Variants in PALM2AKAP2 observed in about 807,000 individuals in gnomAD.
PALM2AKAP2 encodes PALM2-AKAP2 fusion protein.
PALM2AKAP2 carries 37 observed loss-of-function variants against 71.5 expected under a neutral mutation model. The observed-to-expected ratio is 0.52, with a 90% CI of 0.40 to 0.68. The LOEUF (loss-of-function observed/expected upper bound fraction) is 0.68. PALM2AKAP2 is among the 30% of genes least tolerant of loss of function. PALM2AKAP2 has a pLI of 0.00. For synonymous variants in PALM2AKAP2, 468 were observed against 478.8 expected (o/e 0.98, Z 0.29); for missense variants, 1,224 against 1,191.8 (o/e 1.03, Z -0.40).
intron 1 of PALM2AKAP2, among the ~76,000 whole-genome samples, chr9:110,078,406 T>C (rs1834371073): frequency 6.6e-6 from 1 of 152,232 alleles, no homozygotes; most frequent in Non-Finnish European, 1.5e-5. Flanking sequence ...TATTTTCCTA[T>C]GGTGAATTTT....
exon 2 of PALM2AKAP2, chr9:110,136,167 G>T: frequency 6.2e-7 from 1 of 1,603,354 alleles, no homozygotes; most frequent in Non-Finnish European, 8.5e-7. Flanking sequence ...TGGCTAAAAA[G>T]CGAGGGAGAC....
intron 1 of PALM2AKAP2, among the ~76,000 whole-genome samples, chr9:110,063,586 C>T (rs996145464): frequency 2.6e-5 from 4 of 151,564 alleles, no homozygotes; most frequent in Non-Finnish European, 5.9e-5. Context: ...ATTACAGGTG[C>T]CCACCACCAC....
chr9:110,061,453 AC>A (rs1215962318), intron 1 of PALM2AKAP2, among the ~76,000 whole-genome samples: 1 of 152,030 alleles, frequency 6.6e-6, no homozygotes, highest in Non-Finnish European at 1.5e-5. Context: ...AGTGAGTTTA[AC>A]CTTCCATAAG....
chr9:109,760,453 A>G (rs1278657044), intron 1 of PALM2AKAP2: 2 of 152,240 alleles, frequency 1.3e-5, no homozygotes, highest in Non-Finnish European at 2.9e-5. Context: ...CGATAACTTT[A>G]CAAACTGTTA....
intron 1 of PALM2AKAP2, among the ~76,000 whole-genome samples, chr9:110,078,833 T>G (rs898435912): frequency 6.6e-6 from 1 of 152,226 alleles, no homozygotes; most frequent in Non-Finnish European, 1.5e-5. Flanking sequence ...GAGTGTTTGC[T>G]CCAAGAACAT....
intron 1 of PALM2AKAP2, among the ~76,000 whole-genome samples, chr9:109,848,966 A>G (rs900502264): frequency 1.9e-4 from 29 of 152,086 alleles, no homozygotes; most frequent in African/African-American, 6.8e-4. Context: ...ATAAAGCCTA[A>G]AATATTTATA....
intron 1 of PALM2AKAP2, among the ~76,000 whole-genome samples, chr9:110,132,212 C>T (rs550009200): frequency 2.0e-5 from 3 of 152,146 alleles, no homozygotes; most frequent in Admixed American, 2.0e-4. Flanking sequence ...TGCCACCACG[C>T]CTGGCTAATT....
intron 1 of PALM2AKAP2, among the ~76,000 whole-genome samples, chr9:110,104,030 G>C (rs1233699777): frequency 6.6e-6 from 1 of 152,182 alleles, no homozygotes; most frequent in Non-Finnish European, 1.5e-5. Context: ...CCAGTCAAGG[G>C]TTTGCCTCCA....
intron 1 of PALM2AKAP2, among the ~76,000 whole-genome samples, chr9:110,114,164 T>C (rs929903993): frequency 1.3e-5 from 2 of 152,248 alleles, no homozygotes; most frequent in African/African-American, 4.8e-5. Flanking sequence ...GGTTGGTTCC[T>C]TCTGGAGGCT....
At chr9:110,129,160 C>G (rs1452915851) in intron 1 of PALM2AKAP2, among the ~76,000 whole-genome samples, 2 of 152,202 alleles carry the variant, frequency 1.3e-5, no homozygotes, top group Admixed American at 6.5e-5. Flanking sequence ...CTAGCTGACA[C>G]GTAGAGCAAC....
intron 6 of PALM2AKAP2, chr9:109,946,712 A>AAAAAAC (rs1831515819): frequency 6.9e-6 from 1 of 145,442 alleles, no homozygotes; most frequent in African/African-American, 2.6e-5. Flanking sequence ...AAAAAAAAAA[A>AAAAAAC]TCATATAATC....
chr9:109,675,831 G>T (rs1458576817), intron 1 of PALM2AKAP2, among the ~76,000 whole-genome samples: 2 of 152,072 alleles, frequency 1.3e-5, no homozygotes, highest in Non-Finnish European at 2.9e-5. Context: ...CTCCAGTTGT[G>T]CTAGTCAACA....
intron 1 of PALM2AKAP2, among the ~76,000 whole-genome samples, chr9:109,833,071 C>A (rs1316378787): frequency 6.6e-6 from 1 of 152,042 alleles, no homozygotes; most frequent in African/African-American, 2.4e-5. Context: ...AGATGTAGTT[C>A]TCTGGCTAGG....
At chr9:110,056,498 C>T (rs1240721638) in intron 1 of PALM2AKAP2, among the ~76,000 whole-genome samples, 1 of 152,170 alleles carries the variant, frequency 6.6e-6, no homozygotes, top group Admixed American at 6.5e-5. Flanking sequence ...ACTCTGTGTG[C>T]GTGAATTAAA....
At chr9:110,012,246 T>C (rs1446677459) in intron 6 of PALM2AKAP2, among the ~76,000 whole-genome samples, 1 of 152,068 alleles carries the variant, frequency 6.6e-6, no homozygotes, top group Non-Finnish European at 1.5e-5. Context: ...TGAGCCGAGA[T>C]AGTGCCACTG....
At chr9:109,981,988 G>A (rs1015817092) in intron 6 of PALM2AKAP2, among the ~76,000 whole-genome samples, 10 of 152,178 alleles carry the variant, frequency 6.6e-5, no homozygotes, top group African/African-American at 2.4e-4. Flanking sequence ...TTGAAGAGAT[G>A]CCTGCACTCC....
At chr9:110,036,719 T>C (rs1349129768) in intron 7 of PALM2AKAP2, among the ~76,000 whole-genome samples, 1 of 152,164 alleles carries the variant, frequency 6.6e-6, no homozygotes, top group Non-Finnish European at 1.5e-5. Context: ...TGCAAGGACC[T>C]TAGGATCTGG....
chr9:109,728,107 G>A (rs1030767689), intron 1 of PALM2AKAP2, among the ~76,000 whole-genome samples: 4 of 152,198 alleles, frequency 2.6e-5, no homozygotes, highest in Non-Finnish European at 4.4e-5. Flanking sequence ...AGAAGCAAGG[G>A]TATTCTAGGT....
chr9:110,027,055 A>G lies in PALM2AKAP2; in HGVS notation c.582+11016A>G, dbSNP rs113515106. On this transcript the variant is annotated intron_variant, in intron 7 of 9. Coordinates refer to the PALM2AKAP2 transcript ENST00000302798. ...GAGATGCAGTCTCAAAAACAAAAAC[A>G]AAAACAGAAAAGCCAGTAAGATGGC... Among the ~76,000 whole-genome samples the G allele has an allele frequency of 4.6e-3, 695 of 152,270 alleles. 5 individuals are homozygous for G. The highest frequency in any genetic ancestry group is 0.016 in the African/African-American group (660 of 41,558).
Sources: gnomAD v4.1 joint callset for allele counts (sites outside exome capture counted in the v4.1 genomes callset) on GRCh38, gnomAD v4.1.1 for gene constraint, MANE v1.5 for transcripts, NCBI Gene and HGNC (gene_info 2026-07-23, HGNC 2026-07-21) for gene names.